The following GRID2 variants were observed in gnomAD, a reference collection of about 807,000 sequenced individuals.
GRID2 encodes glutamate receptor ionotropic, delta-2.
GRID2 carries 33 observed loss-of-function variants against 114.8 expected under a neutral mutation model. The ratio of observed to expected loss-of-function variants is 0.29; its 90% CI spans 0.22 to 0.38. GRID2 has a LOEUF of 0.38. Among genes scored for constraint, GRID2 ranks in the 10% least tolerant of loss-of-function variants. GRID2 has a pLI of 1.00. For missense variants in GRID2, 1,184 were observed against 1,257.7 expected, an observed-to-expected ratio of 0.94 and a Z score of 0.89; for synonymous variants, 505 against 449.9, an observed-to-expected ratio of 1.12 and a Z score of -1.55.
At chr4:93,702,550 G>C (rs1727606265) in intron 14 of GRID2, among the ~76,000 whole-genome samples, 1 of 151,940 alleles carries the variant, frequency 6.6e-6, no homozygotes, top group South Asian at 2.1e-4. Context: ...AAAAATTATT[G>C]TACATATCTC....
chr4:92,642,181 G>C (rs1406653780), intron 2 of GRID2, among the ~76,000 whole-genome samples: 1 of 151,692 alleles, frequency 6.6e-6, no homozygotes, highest in African/African-American at 2.4e-5. Context: ...ATGCTAGGTA[G>C]AATGGTGGCT....
chr4:92,695,071 A>G (rs1734360609), intron 2 of GRID2, among the ~76,000 whole-genome samples: 1 of 152,048 alleles, frequency 6.6e-6, no homozygotes, highest in Middle Eastern at 3.4e-3. Context: ...GACTCAAGTG[A>G]TCCTCCCACC....
chr4:92,851,521 CCTT>C lies in GRID2; in HGVS notation c.245-233468_245-233466del, dbSNP rs1203619157. Among the ~76,000 whole-genome samples the C allele has an allele frequency of 1.6e-4, 24 of 151,876 alleles. No individual in the cohort carries two copies. In the East Asian group the frequency reaches 3.1e-3, roughly 20 times the overall value. ...CATATAATAGCTTTGAATAGTTTTT[CCTT>C]CTTCTACATAATCAGATATTAAGAA... On this transcript the variant is annotated intron_variant, in intron 2 of 15. Transcript: ENST00000282020.
At chr4:93,421,329 T>TA (rs546234919) in intron 9 of GRID2, among the ~76,000 whole-genome samples, 25 of 152,194 alleles carry the variant, frequency 1.6e-4, no homozygotes, top group African/African-American at 5.3e-4. Context: ...TGGTAAAATA[T>TA]AAAAAAATAT....
chr4:92,838,157 T>G (rs1742599941), intron 2 of GRID2, among the ~76,000 whole-genome samples: 1 of 152,082 alleles, frequency 6.6e-6, no homozygotes, highest in South Asian at 2.1e-4. Context: ...GATTAGAAAG[T>G]AATCCCTGTG....
chr4:93,519,834 A>G (rs1277423530), intron 13 of GRID2, among the ~76,000 whole-genome samples: 1 of 152,144 alleles, frequency 6.6e-6, no homozygotes, highest in African/African-American at 2.4e-5. Flanking sequence ...ATTAATGTAT[A>G]GGCTGTCTGT....
chr4:92,693,441 T>C (rs2149294936), intron 2 of GRID2, among the ~76,000 whole-genome samples: 1 of 152,356 alleles, frequency 6.6e-6, no homozygotes, highest in East Asian at 1.9e-4. Flanking sequence ...TTCCACTTTG[T>C]TGGGAAATGG....
At chr4:92,645,422 G>A (rs1421984728) in intron 2 of GRID2, among the ~76,000 whole-genome samples, 1 of 151,648 alleles carries the variant, frequency 6.6e-6, no homozygotes, top group African/African-American at 2.4e-5. Context: ...AATTGACTTT[G>A]TTTTGGTTTC....
chr4:92,788,657 A>C (rs1183134117), intron 2 of GRID2, among the ~76,000 whole-genome samples: 9 of 151,766 alleles, frequency 5.9e-5, no homozygotes, highest in African/African-American at 2.2e-4. Flanking sequence ...TAAAATTATG[A>C]TCTTAATTTT....
chr4:93,307,795 A>G (rs369087689), intron 8 of GRID2, among the ~76,000 whole-genome samples: 87 of 152,290 alleles, frequency 5.7e-4, no homozygotes, highest in African/African-American at 1.8e-3. Flanking sequence ...TTATTTCCCT[A>G]AAGTGTACAC....
intron 2 of GRID2, among the ~76,000 whole-genome samples, chr4:92,924,444 G>A (rs986071355): frequency 2.6e-5 from 4 of 151,862 alleles, no homozygotes; most frequent in African/African-American, 9.7e-5. Context: ...GTGAGGGTCT[G>A]CTGATTTTTC....
At chr4:92,648,658 G>A (rs982416427) in intron 2 of GRID2, among the ~76,000 whole-genome samples, 1 of 148,994 alleles carries the variant, frequency 6.7e-6, no homozygotes, top group Admixed American at 6.7e-5. Flanking sequence ...TCAAACAAGC[G>A]GTTGATAAAG....
intron 2 of GRID2, among the ~76,000 whole-genome samples, chr4:92,879,012 T>C (rs1745815977): frequency 6.6e-6 from 1 of 152,150 alleles, no homozygotes; most frequent in Non-Finnish European, 1.5e-5. Context: ...TACTCTTGAT[T>C]AGCATAATTA....
intron 2 of GRID2, among the ~76,000 whole-genome samples, chr4:92,693,187 A>T (rs534195691): frequency 6.6e-6 from 1 of 152,062 alleles, no homozygotes; most frequent in Non-Finnish European, 1.5e-5. Flanking sequence ...AAATGGAAAC[A>T]ACGTTCTAGT....
intron 4 of GRID2, among the ~76,000 whole-genome samples, chr4:93,135,185 G>T (rs908657131): frequency 6.6e-6 from 1 of 152,076 alleles, no homozygotes; most frequent in African/African-American, 2.4e-5. Context: ...TAAAATGTTC[G>T]GTGAAGTCTT....
intron 2 of GRID2, among the ~76,000 whole-genome samples, chr4:92,656,133 T>C (rs534472616): frequency 4.5e-4 from 69 of 151,836 alleles, no homozygotes; most frequent in Non-Finnish European, 8.4e-4. Context: ...TTATAATTGC[T>C]GTACTAACTG....
At chr4:93,167,917 G>T (rs1043613152) in intron 4 of GRID2, among the ~76,000 whole-genome samples, 3 of 152,020 alleles carry the variant, frequency 2.0e-5, no homozygotes, top group African/African-American at 4.8e-5. Flanking sequence ...TATATGGTTG[G>T]GTGCAGTGGC....
intron 2 of GRID2, among the ~76,000 whole-genome samples, chr4:93,062,261 T>TA (rs1223415667): frequency 6.6e-6 from 1 of 152,242 alleles, no homozygotes; most frequent in East Asian, 1.9e-4. Context: ...TGATAATATA[T>TA]TTTTAGTGGT....
At chr4:93,505,119 G>A (rs1728504394) in intron 12 of GRID2, among the ~76,000 whole-genome samples, 1 of 152,088 alleles carries the variant, frequency 6.6e-6, no homozygotes, top group South Asian at 2.1e-4. Flanking sequence ...TTAGGGACTG[G>A]TTTATGTGCC....
Sources: gnomAD v4.1 joint callset for allele counts (sites outside exome capture counted in the v4.1 genomes callset) on GRCh38, gnomAD v4.1.1 for gene constraint, MANE v1.5 for transcripts, NCBI Gene and HGNC (gene_info 2026-07-23, HGNC 2026-07-21) for gene names.